PARD3: variants seen among roughly 807,000 people sequenced by gnomAD.
PARD3 encodes par-3 family cell polarity regulator.
A neutral mutation model predicts 155.4 loss-of-function variants in PARD3; 75 were observed. The ratio of observed to expected loss-of-function variants is 0.48; its 90% CI spans 0.40 to 0.58. The LOEUF (loss-of-function observed/expected upper bound fraction) is 0.58, where lower values mean the gene tolerates loss of function less well. PARD3 is among the 20% of genes least tolerant of loss of function. The pLI is 0.00. For missense variants in PARD3, 1,642 were observed against 1,721.7 expected (o/e 0.95, Z 0.82); for synonymous variants, 576 against 610.5 (o/e 0.94, Z 0.83).
At chr10:34,664,450 C>G (rs1371500276) in intron 2 of PARD3, among the ~76,000 whole-genome samples, 1 of 151,676 alleles carries the variant, frequency 6.6e-6, no homozygotes, top group East Asian at 1.9e-4. Flanking sequence ...ATCCGCCCAC[C>G]TCAGCCTCCC....
At chr10:34,425,557 G>C (rs945512470) in intron 5 of PARD3, among the ~76,000 whole-genome samples, 12 of 152,164 alleles carry the variant, frequency 7.9e-5, no homozygotes, top group Admixed American at 7.9e-4. Context: ...CACTATGTCT[G>C]GCTAACTTTT....
chr10:34,378,557 A>T (rs896357798), intron 9 of PARD3, among the ~76,000 whole-genome samples: 2 of 152,144 alleles, frequency 1.3e-5, no homozygotes, highest in African/African-American at 4.8e-5. Context: ...GGAGATGGAA[A>T]AGAACAGTGA....
chr10:34,663,003 T>C (rs1027336873), intron 2 of PARD3, among the ~76,000 whole-genome samples: 7 of 151,496 alleles, frequency 4.6e-5, no homozygotes, highest in African/African-American at 1.2e-4. Flanking sequence ...ATCATGGAAA[T>C]AGAGAGTAGA....
At chr10:34,814,064 C>G (rs1446803291) in intron 1 of PARD3, among the ~76,000 whole-genome samples, 1 of 152,212 alleles carries the variant, frequency 6.6e-6, no homozygotes, top group Non-Finnish European at 1.5e-5. Context: ...GGCCCGGCCC[C>G]GCAGCCCAGC....
At chr10:34,213,930 C>T (rs761127900) in intron 22 of PARD3, among the ~76,000 whole-genome samples, 4 of 152,046 alleles carry the variant, frequency 2.6e-5, no homozygotes, top group Admixed American at 6.6e-5. Context: ...TGCTCTGTTG[C>T]CCAGGCTAGA....
chr10:34,474,498 C>A (rs1375665567), intron 3 of PARD3, among the ~76,000 whole-genome samples: 8 of 152,168 alleles, frequency 5.3e-5, no homozygotes, highest in African/African-American at 1.9e-4. Context: ...GGAGTTTTCA[C>A]ACACACATAC....
intron 1 of PARD3, among the ~76,000 whole-genome samples, chr10:34,813,719 C>T (rs1844513082): frequency 6.6e-6 from 1 of 152,130 alleles, no homozygotes; most frequent in African/African-American, 2.4e-5. Flanking sequence ...ACCGGAGTAC[C>T]CTGTGTACGC....
At chr10:34,390,842 G>C (rs1035578809) in intron 7 of PARD3, among the ~76,000 whole-genome samples, 8 of 152,168 alleles carry the variant, frequency 5.3e-5, no homozygotes, top group African/African-American at 1.9e-4. Flanking sequence ...TACACATTTA[G>C]TTTTATTGTA....
intron 3 of PARD3, among the ~76,000 whole-genome samples, chr10:34,474,959 T>C (rs2078613823): frequency 2.0e-5 from 3 of 151,984 alleles, no homozygotes; most frequent in Admixed American, 1.3e-4. Flanking sequence ...AATGTTAAGA[T>C]AGGAAAAGGA....
chr10:34,608,977 G>A lies in PARD3; in HGVS notation c.222+87341C>T, dbSNP rs368293053. ...ACGCAAATACTGCACCAACCAATAT[G>A]AGGACCTTGGGCATCTTCAGATTTT... On this transcript the variant is annotated intron_variant, in intron 2 of 24. Transcript: ENST00000374788. Among the ~76,000 whole-genome samples, 5 of 152,154 alleles carry A rather than the reference G, an allele frequency of 3.3e-5. No homozygotes were observed. The East Asian group carries it at 7.7e-4, about 23-fold the overall frequency.
At chr10:34,204,101 T>C (rs1289742988) in intron 22 of PARD3, among the ~76,000 whole-genome samples, 3 of 152,206 alleles carry the variant, frequency 2.0e-5, no homozygotes, top group Non-Finnish European at 4.4e-5. Context: ...ATGGAAGGTA[T>C]GTAGAAAGGT....
chr10:34,420,006 C>G (rs548731651), intron 5 of PARD3, among the ~76,000 whole-genome samples: 1 of 152,338 alleles, frequency 6.6e-6, no homozygotes, highest in African/African-American at 2.4e-5. Context: ...GGCTGGAGTG[C>G]AATGGCACAA....
At chr10:34,569,781 T>G (rs1318070123) in intron 2 of PARD3, among the ~76,000 whole-genome samples, 1 of 152,020 alleles carries the variant, frequency 6.6e-6, no homozygotes, top group Non-Finnish European at 1.5e-5. Flanking sequence ...ATATCAAAAC[T>G]TATTTTTGAA....
chr10:34,713,855 T>C (rs766834488), intron 1 of PARD3, among the ~76,000 whole-genome samples: 2 of 152,112 alleles, frequency 1.3e-5, no homozygotes, highest in Non-Finnish European at 2.9e-5. Context: ...CTGCCTCTCC[T>C]CTGGAGAGGT....
rs542619185 is a variant in PARD3, at chr10:34,673,618, A to C, written c.222+22700T>G. On this transcript the variant is annotated intron_variant, in intron 2 of 24. Coordinates refer to ENST00000374788, the MANE Select transcript of PARD3 (RefSeq NM_001184785.2). ...AGGGCTGGGGTGACATTAGTAGCCAACACCACCTTTTCTGCTACGATTAGG... is the reference window on the plus strand; with the variant it reads ...AGGGCTGGGGTGACATTAGTAGCCACCACCACCTTTTCTGCTACGATTAGG... Among the ~76,000 whole-genome samples, 261 of 152,340 alleles carry C rather than the reference A, an allele frequency of 1.7e-3. 5 individuals are homozygous for C. The highest frequency in any genetic ancestry group is 4.9e-4 in the Non-Finnish European group (33 of 68,024).
intron 4 of PARD3, among the ~76,000 whole-genome samples, chr10:34,460,922 T>G (rs2077610599): frequency 6.6e-6 from 1 of 152,196 alleles, no homozygotes; most frequent in Non-Finnish European, 1.5e-5. Context: ...ATATAACATG[T>G]AACATACCAA....
chr10:34,288,169 C>T (rs1351906158), intron 20 of PARD3, among the ~76,000 whole-genome samples: 2 of 152,132 alleles, frequency 1.3e-5, no homozygotes, highest in African/African-American at 4.8e-5. Context: ...CATGATTGTG[C>T]CACTGCACTC....
intron 2 of PARD3, among the ~76,000 whole-genome samples, chr10:34,686,482 TC>T (rs1481805922): frequency 6.6e-6 from 1 of 151,074 alleles, no homozygotes; most frequent in African/African-American, 2.4e-5. Context: ...ACGCCTATAA[TC>T]CCAGCACTTT....
chr10:34,532,236 T>C (rs758213952), intron 2 of PARD3, among the ~76,000 whole-genome samples: 16 of 152,202 alleles, frequency 1.1e-4, no homozygotes, highest in Admixed American at 8.5e-4. Context: ...TCATGACATA[T>C]ATTTTTAAAT....
Sources: allele counts gnomAD v4.1 joint callset (sites outside exome capture counted in the v4.1 genomes callset), GRCh38; gene constraint gnomAD v4.1.1; transcripts MANE v1.5; gene names NCBI Gene and HGNC (gene_info 2026-07-23, HGNC 2026-07-21).